Variants in FGGY observed in about 807,000 individuals in gnomAD.
The protein encoded by FGGY is FGGY carbohydrate kinase domain-containing protein.
Under a neutral mutation model 71.3 loss-of-function variants are expected in FGGY, and 72 were observed. That is an observed-to-expected ratio of 1.01 (90% confidence interval 0.84 to 1.23). The LOEUF (loss-of-function observed/expected upper bound fraction) is 1.23, where lower values mean the gene tolerates loss of function less well. Ranked by LOEUF, FGGY falls within the 50% of genes most tolerant of loss-of-function variation. FGGY has a pLI of 0.00. For synonymous variants in FGGY, 251 were observed against 250.3 expected (o/e 1.00, Z -0.02); for missense variants, 668 against 682.3 (o/e 0.98, Z 0.23).
intron 4 of FGGY, among the ~76,000 whole-genome samples, chr1:59,349,028 T>A (rs1161324638): frequency 6.6e-6 from 1 of 152,076 alleles, no homozygotes; most frequent in Admixed American, 6.5e-5. Context: ...AATATAGAAC[T>A]GTTCTGCGCT....
At chr1:59,579,722 C>A (rs1030021366) in intron 8 of FGGY, among the ~76,000 whole-genome samples, 1 of 152,156 alleles carries the variant, frequency 6.6e-6, no homozygotes. Context: ...CTGACTGTCT[C>A]CCTGTTTTTA....
chr1:59,741,842 G>C (rs2098151329), intron 14 of FGGY, among the ~76,000 whole-genome samples: 1 of 151,588 alleles, frequency 6.6e-6, no homozygotes, highest in Non-Finnish European at 1.5e-5. Flanking sequence ...GGGAGGCTGA[G>C]GCAGGAGAAT....
chr1:59,630,851 A>T (rs969597488), intron 10 of FGGY, among the ~76,000 whole-genome samples: 1 of 151,882 alleles, frequency 6.6e-6, no homozygotes, highest in Non-Finnish European at 1.5e-5. Flanking sequence ...CATAACTTCA[A>T]ACCCACTTCC....
At chr1:59,682,283 G>C (rs887257546) in intron 14 of FGGY, among the ~76,000 whole-genome samples, 3 of 152,024 alleles carry the variant, frequency 2.0e-5, no homozygotes, top group African/African-American at 7.2e-5. Context: ...TTCTTATGGG[G>C]CTAAGTGATT....
intron 5 of FGGY, among the ~76,000 whole-genome samples, chr1:59,416,931 A>G (rs1385436903): frequency 6.6e-6 from 1 of 152,224 alleles, no homozygotes; most frequent in Non-Finnish European, 1.5e-5. Context: ...TATGATAGTT[A>G]CTAGCTATAT....
chr1:59,758,709 A>G (rs1458129636), intron 15 of FGGY, among the ~76,000 whole-genome samples: 1 of 152,246 alleles, frequency 6.6e-6, no homozygotes, highest in Admixed American at 6.5e-5. Flanking sequence ...ATGTACAGTT[A>G]TAAAAGTGGG....
At chr1:59,645,663 C>CA (rs546588495) in intron 11 of FGGY, among the ~76,000 whole-genome samples, 145 of 152,248 alleles carry the variant, frequency 9.5e-4, no homozygotes, top group Non-Finnish European at 1.7e-3. Context: ...TTTCTATTCA[C>CA]AAAAAATTGG....
At chr1:59,594,634 C>CCCTATGAGAGCAAG (rs2096497268) in intron 8 of FGGY, among the ~76,000 whole-genome samples, 1 of 152,174 alleles carries the variant, frequency 6.6e-6, no homozygotes, top group South Asian at 2.1e-4. Flanking sequence ...CTCAGTCACA[C>CCCTATGAGAGCAAG]CCTATGAGAG....
chr1:59,725,894 A>G (rs2097941848), intron 14 of FGGY, among the ~76,000 whole-genome samples: 1 of 151,746 alleles, frequency 6.6e-6, no homozygotes, highest in African/African-American at 2.4e-5. Context: ...TCTTTCCAGT[A>G]TGTATGCCTT....
intron 7 of FGGY, among the ~76,000 whole-genome samples, chr1:59,532,555 G>A (rs12040048): frequency 0.13 from 19,875 of 152,168 alleles, 1,604 homozygotes; most frequent in Admixed American, 0.23. Context: ...TTAAAAGGAT[G>A]CAAGAGAAAA....
intron 7 of FGGY, among the ~76,000 whole-genome samples, chr1:59,550,014 T>G (rs2095583787): frequency 6.6e-6 from 1 of 152,232 alleles, no homozygotes; most frequent in African/African-American, 2.4e-5. Flanking sequence ...TATTTGTTTT[T>G]TAGTTCAACA....
At chr1:59,617,297 A>G (rs1331430996) in intron 9 of FGGY, among the ~76,000 whole-genome samples, 1 of 152,182 alleles carries the variant, frequency 6.6e-6, no homozygotes, top group Non-Finnish European at 1.5e-5. Flanking sequence ...TGAAAAATAT[A>G]TTAAAAACCA....
chr1:59,642,825 A>G (rs924806076), intron 11 of FGGY, among the ~76,000 whole-genome samples: 2 of 151,696 alleles, frequency 1.3e-5, no homozygotes, highest in African/African-American at 4.8e-5. Flanking sequence ...AGGTCAGGAG[A>G]TCGAGACCAT....
chr1:59,586,557 A>T (rs1363203357), intron 8 of FGGY, among the ~76,000 whole-genome samples: 1 of 152,170 alleles, frequency 6.6e-6, no homozygotes, highest in African/African-American at 2.4e-5. Flanking sequence ...ACCTAATGTT[A>T]AATGACGAGT....
At chr1:59,343,100 A>AG (rs2051043512) in intron 3 of FGGY, among the ~76,000 whole-genome samples, 1 of 152,056 alleles carries the variant, frequency 6.6e-6, no homozygotes, top group African/African-American at 2.4e-5. Context: ...GGGCTGGGAG[A>AG]GGGAGTTATG....
At chr1:59,756,057 T>A (rs1363778225) in intron 14 of FGGY, 2 of 152,184 alleles carry the variant, frequency 1.3e-5, no homozygotes, top group Non-Finnish European at 2.9e-5. Flanking sequence ...AAGGAAACTG[T>A]TCTGGGGTAA....
At chr1:59,634,064 A>G (rs955270263) in intron 10 of FGGY, among the ~76,000 whole-genome samples, 1 of 152,180 alleles carries the variant, frequency 6.6e-6, no homozygotes, top group African/African-American at 2.4e-5. Flanking sequence ...TGGTAGTACC[A>G]GTTTCAGTAG....
intron 14 of FGGY, among the ~76,000 whole-genome samples, chr1:59,702,979 C>T (rs896912498): frequency 2.0e-5 from 3 of 152,108 alleles, no homozygotes; most frequent in African/African-American, 7.2e-5. Flanking sequence ...CTGCTATTCT[C>T]CTTCCCCACT....
chr1:59,432,756 A>G (rs1170469881), intron 5 of FGGY, among the ~76,000 whole-genome samples: 3 of 152,192 alleles, frequency 2.0e-5, no homozygotes, highest in Non-Finnish European at 4.4e-5. Context: ...TAGAAGCTGT[A>G]ATAGTAGTAG....
Sources: allele counts gnomAD v4.1 joint callset (sites outside exome capture counted in the v4.1 genomes callset), GRCh38; gene constraint gnomAD v4.1.1; transcripts MANE v1.5; gene names NCBI Gene and HGNC (gene_info 2026-07-23, HGNC 2026-07-21).